The following GLIS3 variants were observed in gnomAD, a reference collection of about 807,000 sequenced individuals.
GLIS3 encodes zinc finger protein GLIS3.
A neutral mutation model predicts 78.6 loss-of-function variants in GLIS3; 53 were observed. The observed-to-expected ratio is 0.67, with a 90% CI of 0.54 to 0.85. The LOEUF is 0.85. GLIS3 is among the 40% of genes least tolerant of loss of function. The probability of loss-of-function intolerance (pLI) is 0.00; values close to 1 mark genes in which losing one functional copy is unlikely to be tolerated. For synonymous variants in GLIS3, 684 were observed against 509.9 expected (o/e 1.34, Z -4.60); for missense variants, 1,703 against 1,231.1 (o/e 1.38, Z -5.74).
chr9:3,868,534 A>T (rs972019644), intron 8 of GLIS3, among the ~76,000 whole-genome samples: 1 of 152,246 alleles, frequency 6.6e-6, no homozygotes, highest in African/African-American at 2.4e-5. Flanking sequence ...GAGGTACAAA[A>T]CAGTGTCTTT....
intron 2 of GLIS3, among the ~76,000 whole-genome samples, chr9:4,244,371 G>A (rs1257341066): frequency 6.6e-6 from 1 of 152,144 alleles, no homozygotes. Flanking sequence ...TCCCAAACCT[G>A]TTAATGTCAG....
chr9:4,098,710 T>C (rs1329202297), intron 4 of GLIS3, among the ~76,000 whole-genome samples: 1 of 152,222 alleles, frequency 6.6e-6, no homozygotes, highest in Admixed American at 6.5e-5. Context: ...TTTTACTTTC[T>C]GTTTATCGTA....
the GLIS3 span, among the ~76,000 whole-genome samples, chr9:4,453,345 C>CAAAAAAAAAAAAAAAAAAAAAAA: frequency 1.1e-5 from 1 of 91,674 alleles, no homozygotes; most frequent in Non-Finnish European, 2.2e-5. Flanking sequence ...TTCTGCACAG[C>CAAAAAAAAAAAAAAAAAAAAAAA]AAAAAAAAAA....
intron 2 of GLIS3, among the ~76,000 whole-genome samples, chr9:4,204,651 C>T (rs1190900304): frequency 1.3e-5 from 2 of 152,130 alleles, no homozygotes; most frequent in African/African-American, 2.4e-5. Context: ...GGCACAGTGG[C>T]TCACACCTGT....
At chr9:4,070,621 T>C (rs1827515084) in intron 4 of GLIS3, among the ~76,000 whole-genome samples, 1 of 152,142 alleles carries the variant, frequency 6.6e-6, no homozygotes, top group Non-Finnish European at 1.5e-5. Flanking sequence ...TGTGTGTGTA[T>C]ATGTAAGCTG....
intron 2 of GLIS3, among the ~76,000 whole-genome samples, chr9:4,320,449 G>C (rs1369917255): frequency 3.3e-5 from 5 of 152,150 alleles, no homozygotes; most frequent in Non-Finnish European, 7.3e-5. Flanking sequence ...TTATTGCCAA[G>C]CCAGAAACTT....
chr9:3,869,341 G>A (rs1364917382), intron 8 of GLIS3, among the ~76,000 whole-genome samples: 1 of 152,070 alleles, frequency 6.6e-6, no homozygotes, highest in East Asian at 1.9e-4. Context: ...TACTCAGAAA[G>A]TCCTGGAGAG....
chr9:4,139,596 G>A (rs1346821026), intron 2 of GLIS3, among the ~76,000 whole-genome samples: 2 of 152,054 alleles, frequency 1.3e-5, no homozygotes, highest in Non-Finnish European at 2.9e-5. Flanking sequence ...GGTAGTCTAA[G>A]CCAGCAGTCC....
the GLIS3 span, among the ~76,000 whole-genome samples, chr9:4,423,444 A>G: frequency 1.9e-3 from 284 of 151,796 alleles, 1 homozygote; most frequent in African/African-American, 6.3e-3. Flanking sequence ...CCAACTTCCC[A>G]CACCCCTCCC....
chr9:4,082,289 C>T (rs1344392942), intron 4 of GLIS3, among the ~76,000 whole-genome samples: 2 of 152,138 alleles, frequency 1.3e-5, no homozygotes, highest in East Asian at 3.8e-4. Flanking sequence ...ACTTCTACAT[C>T]CTTACCAAGA....
intron 4 of GLIS3, among the ~76,000 whole-genome samples, chr9:4,035,328 C>T (rs1363713517): frequency 6.6e-6 from 1 of 151,990 alleles, no homozygotes; most frequent in South Asian, 2.1e-4. Context: ...AGTAAAAGCT[C>T]CTGACCAGTG....
At chr9:3,865,549 T>C (rs547115832) in intron 8 of GLIS3, among the ~76,000 whole-genome samples, 11 of 152,294 alleles carry the variant, frequency 7.2e-5, no homozygotes, top group African/African-American at 9.6e-5. Context: ...TACTAACAAG[T>C]TGGAATAATA....
chr9:4,398,479 G>C, the GLIS3 span, among the ~76,000 whole-genome samples: 1 of 151,888 alleles, frequency 6.6e-6, no homozygotes, highest in African/African-American at 2.4e-5. Flanking sequence ...AGTTGCCTTG[G>C]GGTCGTGGAC....
intron 2 of GLIS3, among the ~76,000 whole-genome samples, chr9:4,330,420 C>T (rs987006271): frequency 4.6e-5 from 7 of 152,236 alleles, no homozygotes; most frequent in Non-Finnish European, 1.0e-4. Flanking sequence ...AAGGATCACA[C>T]TTTGAAAACC....
chr9:3,903,424 T>C (rs989613908), intron 6 of GLIS3, among the ~76,000 whole-genome samples: 2 of 152,264 alleles, frequency 1.3e-5, no homozygotes, highest in East Asian at 3.8e-4. Context: ...TGATTGTCAA[T>C]TCACCTATTT....
intron 4 of GLIS3, among the ~76,000 whole-genome samples, chr9:3,996,770 T>G (rs1563931758): frequency 6.6e-6 from 1 of 152,010 alleles, no homozygotes; most frequent in African/African-American, 2.4e-5. Context: ...AATAATAAAG[T>G]TAACAAATTG....
the GLIS3 span, among the ~76,000 whole-genome samples, chr9:4,489,457 C>G: frequency 1.3e-5 from 2 of 152,252 alleles, no homozygotes; most frequent in Admixed American, 1.3e-4. Context: ...GGGTTCCAGG[C>G]TCACTTAACT....
chr9:4,115,601 A>C (rs1831578454), intron 4 of GLIS3, among the ~76,000 whole-genome samples: 1 of 152,092 alleles, frequency 6.6e-6, no homozygotes, highest in Non-Finnish European at 1.5e-5. Flanking sequence ...CAGCAAAATT[A>C]ATTGCTGCCA....
intron 9 of GLIS3, among the ~76,000 whole-genome samples, chr9:3,846,369 G>A (rs980293955): frequency 6.6e-6 from 1 of 152,158 alleles, no homozygotes; most frequent in African/African-American, 2.4e-5. Flanking sequence ...TGGTACTTAA[G>A]CTCTTCCATT....
Sources: gnomAD v4.1 joint callset for allele counts (sites outside exome capture counted in the v4.1 genomes callset) on GRCh38, gnomAD v4.1.1 for gene constraint, MANE v1.5 for transcripts, NCBI Gene and HGNC (gene_info 2026-07-23, HGNC 2026-07-21) for gene names.